The following ALK variants were observed in gnomAD, a reference collection of about 807,000 sequenced individuals.
ALK encodes the protein ALK tyrosine kinase receptor.
A neutral mutation model predicts 163.1 loss-of-function variants in ALK; 74 were observed. The observed-to-expected ratio is 0.45, with a 90% CI of 0.38 to 0.55. The LOEUF is 0.55. Among genes scored for constraint, ALK ranks in the 20% least tolerant of loss-of-function variants. The probability of loss-of-function intolerance (pLI) is 0.00; values close to 1 mark genes in which losing one functional copy is unlikely to be tolerated. For missense variants in ALK, 2,063 were observed against 2,105.3 expected, an observed-to-expected ratio of 0.98 and a Z score of 0.39; for synonymous variants, 960 against 843.2, an observed-to-expected ratio of 1.14 and a Z score of -2.40.
intron 1 of ALK, among the ~76,000 whole-genome samples, chr2:29,859,900 T>C (rs566836533): frequency 6.6e-6 from 1 of 152,244 alleles, no homozygotes; most frequent in African/African-American, 2.4e-5. Flanking sequence ...GTTGAAGTCA[T>C]AGTAGATTTA....
intron 2 of ALK, among the ~76,000 whole-genome samples, chr2:29,716,534 C>T (rs1483257463): frequency 6.6e-6 from 1 of 152,064 alleles, no homozygotes; most frequent in Non-Finnish European, 1.5e-5. Context: ...AATCTTATAC[C>T]ATGTAAAGGC....
chr2:29,234,879 A>G (rs983393017), intron 13 of ALK, among the ~76,000 whole-genome samples: 8 of 152,138 alleles, frequency 5.3e-5, no homozygotes, highest in Non-Finnish European at 1.0e-4. Flanking sequence ...TGCCCCGCTA[A>G]TTTTTGTATT....
At chr2:29,477,670 G>A (rs539054261) in intron 4 of ALK, among the ~76,000 whole-genome samples, 6 of 152,130 alleles carry the variant, frequency 3.9e-5, no homozygotes, top group Admixed American at 6.5e-5. Flanking sequence ...GATCCTAACC[G>A]GCTGCTGGTT....
intron 26 of ALK, among the ~76,000 whole-genome samples, chr2:29,206,253 CCTTTCTTT>C (rs939555848): frequency 4.0e-5 from 6 of 151,272 alleles, no homozygotes; most frequent in East Asian, 1.9e-4. Flanking sequence ...CTCTCCCCTC[CCTTTCTTT>C]CTTTCTCTCT....
Position 29,334,530 on chromosome 2 carries a change from G to C in ALK, c.1283-6049C>G, listed in dbSNP as rs144304022. On this transcript the variant is annotated intron_variant, in intron 5 of 28. Coordinates refer to ENST00000389048, the MANE Select transcript of ALK (RefSeq NM_004304.5). ...TGGTAATGGTGGGCATGGAAGGTCAGGCTGTCAGCATCCCTGCCCTTCACC... is the reference window on the plus strand; with the variant it reads ...TGGTAATGGTGGGCATGGAAGGTCACGCTGTCAGCATCCCTGCCCTTCACC... Among the ~76,000 whole-genome samples, 50 of 152,318 alleles carry C rather than the reference G, an allele frequency of 3.3e-4. No individual in the cohort carries two copies. The East Asian group carries it at 9.3e-3, about 28-fold the overall frequency.
intron 3 of ALK, among the ~76,000 whole-genome samples, chr2:29,604,241 G>A (rs565695332): frequency 4.7e-5 from 7 of 148,786 alleles, no homozygotes; most frequent in African/African-American, 1.2e-4. Flanking sequence ...TGAGGATTAC[G>A]TGAAATTCAA....
chr2:29,724,162 C>A (rs559150037), intron 1 of ALK, among the ~76,000 whole-genome samples: 14 of 152,282 alleles, frequency 9.2e-5, no homozygotes, highest in African/African-American at 3.4e-4. Flanking sequence ...GTTTTACAAA[C>A]CTACATCAAT....
intron 23 of ALK, among the ~76,000 whole-genome samples, chr2:29,217,721 C>T (rs999707927): frequency 1.3e-5 from 2 of 152,138 alleles, no homozygotes; most frequent in Non-Finnish European, 2.9e-5. Flanking sequence ...TGATTCTGCA[C>T]CTCAAGCCTG....
intron 8 of ALK, among the ~76,000 whole-genome samples, chr2:29,306,611 A>G (rs1019890608): frequency 7.2e-5 from 11 of 152,166 alleles, no homozygotes; most frequent in African/African-American, 2.2e-4. Context: ...AGTGAATTTT[A>G]ATGCATTTAC....
chr2:29,217,386 A>C (rs1007128510), intron 23 of ALK, among the ~76,000 whole-genome samples: 1 of 80,346 alleles, frequency 1.2e-5, no homozygotes, highest in African/African-American at 4.9e-5. Context: ...GGCTGTGTGC[A>C]TGGGTGGGGT....
intron 1 of ALK, among the ~76,000 whole-genome samples, chr2:29,891,283 G>A (rs967329201): frequency 5.3e-5 from 8 of 152,174 alleles, no homozygotes; most frequent in African/African-American, 1.7e-4. Flanking sequence ...GATTAGGCAT[G>A]CACAGTTTAA....
intron 8 of ALK, among the ~76,000 whole-genome samples, chr2:29,310,854 ACT>A (rs1666676005): frequency 1.3e-5 from 2 of 151,984 alleles, no homozygotes; most frequent in South Asian, 4.2e-4. Context: ...AGGTGGAGAG[ACT>A]CTGTAAGCTT....
intron 2 of ALK, among the ~76,000 whole-genome samples, chr2:29,705,696 A>T (rs747434512): frequency 3.3e-5 from 5 of 152,134 alleles, no homozygotes; most frequent in Non-Finnish European, 7.4e-5. Context: ...TTGTGCCTCA[A>T]TTTTTTCAAC....
intron 4 of ALK, among the ~76,000 whole-genome samples, chr2:29,409,048 T>G (rs1669663204): frequency 6.6e-6 from 1 of 152,194 alleles, no homozygotes; most frequent in African/African-American, 2.4e-5. Context: ...TTGTTGTACT[T>G]TGCATCCTGG....
At chr2:29,460,959 A>G (rs983557528) in intron 4 of ALK, among the ~76,000 whole-genome samples, 6 of 152,214 alleles carry the variant, frequency 3.9e-5, no homozygotes, top group African/African-American at 1.4e-4. Flanking sequence ...TTCTTGGAGG[A>G]CTTTTAATAA....
chr2:29,259,278 T>C (rs1289818438), intron 11 of ALK, among the ~76,000 whole-genome samples: 1 of 152,156 alleles, frequency 6.6e-6, no homozygotes, highest in Non-Finnish European at 1.5e-5. Context: ...TTTTTGTATA[T>C]GTTCTTTCCA....
chr2:29,429,661 G>C (rs1670227298), intron 4 of ALK, among the ~76,000 whole-genome samples: 1 of 151,996 alleles, frequency 6.6e-6, no homozygotes, highest in Non-Finnish European at 1.5e-5. Flanking sequence ...TCCCTAAATA[G>C]ATCAATAGAT....
At chr2:29,799,033 C>A (rs1317112279) in intron 1 of ALK, among the ~76,000 whole-genome samples, 4 of 152,160 alleles carry the variant, frequency 2.6e-5, no homozygotes, top group Non-Finnish European at 5.9e-5. Context: ...ATTTGCTCCA[C>A]CTACCTCACA....
intron 5 of ALK, among the ~76,000 whole-genome samples, chr2:29,347,914 G>C (rs929980141): frequency 6.6e-6 from 1 of 152,190 alleles, no homozygotes; most frequent in Non-Finnish European, 1.5e-5. Flanking sequence ...ATCTAGGATA[G>C]AGCTTGATAA....
Sources: gnomAD v4.1 joint callset for allele counts (sites outside exome capture counted in the v4.1 genomes callset) on GRCh38, gnomAD v4.1.1 for gene constraint, MANE v1.5 for transcripts, NCBI Gene and HGNC (gene_info 2026-07-23, HGNC 2026-07-21) for gene names.